The following TTLL9 variants were observed in gnomAD, a reference collection of about 807,000 sequenced individuals.
TTLL9 encodes tubulin tyrosine ligase like 9.
In TTLL9, 47 loss-of-function variants were observed where a neutral mutation model predicts 65.6. The ratio of observed to expected loss-of-function variants is 0.72; its 90% CI spans 0.57 to 0.91. The LOEUF is 0.91. Ranked by LOEUF, TTLL9 falls within the 40% of genes least tolerant of loss-of-function variation. The pLI, the probability that TTLL9 is intolerant of heterozygous loss-of-function variation, is 0.00. For missense variants in TTLL9, 537 were observed against 568.8 expected, an observed-to-expected ratio of 0.94 and a Z score of 0.57; for synonymous variants, 179 against 204.8, an observed-to-expected ratio of 0.87 and a Z score of 1.07.
At chr20:31,920,000 C>T in intron 7 of TTLL9, 68 bp downstream of exon 7, 4 of 1,370,764 alleles carry the variant, frequency 2.9e-6, no homozygotes, top group Non-Finnish European at 3.9e-6. Context: ...GGGGCCACTC[C>T]TTCCTGCAAT....
chr20:31,887,486 A>G (rs1410619603), intron 3 of TTLL9, among the ~76,000 whole-genome samples: 3 of 152,224 alleles, frequency 2.0e-5, no homozygotes, highest in Admixed American at 6.5e-5. Context: ...TGTCCATTTT[A>G]CAGATGGAGA....
chr20:31,879,191 T>G (rs973995653), intron 2 of TTLL9, among the ~76,000 whole-genome samples: 3 of 152,128 alleles, frequency 2.0e-5, no homozygotes, highest in African/African-American at 7.2e-5. Context: ...CATGGTGGCA[T>G]GCACCTGTAA....
chr20:31,873,861 AAAGAAAGAAAG>A (rs1321793556), intron 2 of TTLL9, among the ~76,000 whole-genome samples: 160 of 150,062 alleles, frequency 1.1e-3, no homozygotes, highest in Middle Eastern at 0.01. Flanking sequence ...AGAAAGAAAG[AAAGAAAGAAAG>A]AAAGAAAGAA....
At chr20:31,875,182 G>C (rs1249035030) in intron 2 of TTLL9, among the ~76,000 whole-genome samples, 4 of 152,050 alleles carry the variant, frequency 2.6e-5, no homozygotes. Flanking sequence ...CTTTGAGCAA[G>C]TTTTTAAATT....
intron 14 of TTLL9, among the ~76,000 whole-genome samples, chr20:31,942,598 A>T (rs1444052405): frequency 6.6e-6 from 1 of 152,132 alleles, no homozygotes; most frequent in Non-Finnish European, 1.5e-5. Context: ...AACCTCTCTG[A>T]GCCTGTTTTC....
intron 10 of TTLL9, 77 bp from the exon 11 acceptor site, chr20:31,933,723 G>A (rs1189132519): frequency 5.7e-6 from 8 of 1,399,548 alleles, no homozygotes; most frequent in Middle Eastern, 1.8e-4. Context: ...TCAATTCTCA[G>A]TTCAGTCCTG....
At chr20:31,898,058 C>A (rs2063411324) in intron 3 of TTLL9, among the ~76,000 whole-genome samples, 1 of 152,202 alleles carries the variant, frequency 6.6e-6, no homozygotes, top group Admixed American at 6.5e-5. Flanking sequence ...CTGCCTTCTT[C>A]TCTTTCAGTC....
chr20:31,934,290 C>T, intron 11 of TTLL9: 1 of 512,468 alleles, frequency 2.0e-6, no homozygotes, highest in Non-Finnish European at 3.8e-6. Flanking sequence ...AGGTCCCCAG[C>T]TCACACCTGT....
intron 6 of TTLL9, among the ~76,000 whole-genome samples, chr20:31,916,646 C>T (rs903915855): frequency 3.9e-5 from 6 of 152,182 alleles, no homozygotes; most frequent in African/African-American, 1.4e-4. Flanking sequence ...TTCTCTCCAT[C>T]GACTCTGCAT....
chr20:31,911,706 TA>T (rs2063649739), intron 6 of TTLL9, among the ~76,000 whole-genome samples: 1 of 152,194 alleles, frequency 6.6e-6, no homozygotes, highest in African/African-American at 2.4e-5. Context: ...TAATTTGTGC[TA>T]ATTGGGAACA....
chr20:31,890,160 T>C (rs1386268570), intron 3 of TTLL9, among the ~76,000 whole-genome samples: 1 of 113,556 alleles, frequency 8.8e-6, no homozygotes, highest in African/African-American at 3.6e-5. Context: ...CTTCCTTCTT[T>C]CTTTCTTTCT....
chr20:31,920,041 GC>G, intron 7 of TTLL9, 109 bp downstream of exon 7: 1 of 1,033,068 alleles, frequency 9.7e-7, no homozygotes, highest in Non-Finnish European at 1.3e-6. Context: ...GAGAAACTCT[GC>G]CCACAGGTCT....
Position 31,880,818 on chromosome 20 carries a change from C to A in TTLL9, c.70-6378C>A, listed in dbSNP as rs541390607. On this transcript the variant is annotated intron_variant, in intron 2 of 14. Transcript: ENST00000535842. ...TTACTTCTTAATCCCAGCTCTCATT[C>A]ATGAATGGCACCTTCATTTCTCTTC... Among the ~76,000 whole-genome samples the A allele has an allele frequency of 1.4e-4, 21 of 149,140 alleles. No homozygotes were observed. The South Asian group carries it at 4.5e-3, about 32-fold the overall frequency.
chr20:31,942,982 CT>C lies in TTLL9; in HGVS notation c.1283del (p.Phe428SerfsTer23), dbSNP rs2064241476. On this transcript the variant is annotated frameshift_variant, in exon 15 of 15. Coordinates refer to ENST00000535842, the MANE Select transcript of TTLL9 (RefSeq NM_001008409.5). LOFTEE classifies it high-confidence loss of function. ...ATCGGAAGAAACAACTGAGGCAGCTCTTCTGCTCCCTTCAAGTTCAGAAGAA... is the reference window on the plus strand; with the variant it reads ...ATCGGAAGAAACAACTGAGGCAGCTCTCTGCTCCCTTCAAGTTCAGAAGAA... The part of the protein sequence containing the change: ...NDRKKQLRQL[F>X]CSLQVQKKAS... 2.5e-6 allele frequency: 4 copies of C among 1,614,030 alleles called. No individual in the cohort carries two copies. Among genetic ancestry groups the C allele is most frequent in the Non-Finnish European group, 3.4e-6 (4 of 1,180,042 alleles).
intron 2 of TTLL9, among the ~76,000 whole-genome samples, chr20:31,885,085 T>C (rs2063170328): frequency 6.6e-6 from 1 of 152,214 alleles, no homozygotes; most frequent in Admixed American, 6.5e-5. Flanking sequence ...GAGACCATAT[T>C]ATTCATGTAT....
At chr20:31,874,409 CTTTT>C (rs34362219) in intron 2 of TTLL9, among the ~76,000 whole-genome samples, 1 of 123,024 alleles carries the variant, frequency 8.1e-6, no homozygotes. Flanking sequence ...ATTAGCTGAT[CTTTT>C]TTTTTTTTTT....
chr20:31,894,746 T>C (rs1452094967), intron 3 of TTLL9, among the ~76,000 whole-genome samples: 3 of 147,680 alleles, frequency 2.0e-5, no homozygotes, highest in Non-Finnish European at 4.5e-5. Context: ...CACACACACA[T>C]ACGTACACAC....
intron 2 of TTLL9, among the ~76,000 whole-genome samples, chr20:31,882,627 TA>T (rs1003738189): frequency 1.3e-5 from 2 of 151,756 alleles, no homozygotes; most frequent in African/African-American, 2.4e-5. Context: ...GATAATTTTT[TA>T]AAAAAAAACT....
chr20:31,881,602 C>CTTTT (rs5841092), intron 2 of TTLL9, among the ~76,000 whole-genome samples: 18 of 125,244 alleles, frequency 1.4e-4, no homozygotes, highest in African/African-American at 3.4e-4. Flanking sequence ...ACACATATAA[C>CTTTT]TTTTTTTTTT....
Sources: allele counts gnomAD v4.1 joint callset (sites outside exome capture counted in the v4.1 genomes callset), GRCh38; gene constraint gnomAD v4.1.1; transcripts MANE v1.5; gene names NCBI Gene and HGNC (gene_info 2026-07-23, HGNC 2026-07-21).